The following LAMB3 variants were observed in gnomAD, a reference collection of about 807,000 sequenced individuals.
LAMB3 encodes laminin subunit beta 3, also known as laminin subunit beta-3.
Under a neutral mutation model 140.3 loss-of-function variants are expected in LAMB3, and 104 were observed. The observed-to-expected ratio is 0.74, with a 90% confidence interval of 0.63 to 0.87. The LOEUF is 0.87. Ranked by LOEUF, LAMB3 falls within the 40% of genes least tolerant of loss-of-function variation. LAMB3 has a pLI of 0.00. For synonymous variants in LAMB3, 592 were observed against 602.9 expected (o/e 0.98, Z 0.26); for missense variants, 1,531 against 1,575.2 (o/e 0.97, Z 0.47).
Position 209,627,497 on chromosome 1 carries a change from C to G in LAMB3, c.1371G>C (p.Val457=), listed in dbSNP as rs1433069967. 2 of 1,614,094 alleles carry G rather than the reference C, an allele frequency of 1.2e-6. No homozygotes were observed. Residue 457 remains valine, a synonymous_variant, in exon 12 of 23, where the codon GTG becomes GTC. Transcript: ENST00000356082. ...CACACTGGTCACATTTGGGACCCAC[C>G]ACGTTGGGCAGACAAAGGCAGCGCC... ...ESGRCLCLPN[V]VGPKCDQCAP...
chr1:209,629,319 G>A (rs968605604), intron 10 of LAMB3, among the ~76,000 whole-genome samples: 3 of 152,156 alleles, frequency 2.0e-5, no homozygotes, highest in African/African-American at 2.4e-5. Flanking sequence ...AGGAGTTCTC[G>A]ATGTTGGGAG....
At chr1:209,616,233 T>C (rs186421140) in intron 22 of LAMB3, among the ~76,000 whole-genome samples, 1 of 152,294 alleles carries the variant, frequency 6.6e-6, no homozygotes, top group East Asian at 1.9e-4. Context: ...ACCCCACTGT[T>C]TGCAAAAACA....
Position 209,634,501 on chromosome 1 carries a change from A to G in LAMB3, c.510T>C (p.Asp170=). The G allele has an allele frequency of 6.2e-7, 1 of 1,614,072 alleles. No individual in the cohort carries two copies. The highest frequency in any genetic ancestry group is 8.5e-7 in the Non-Finnish European group (1 of 1,180,006). Residue 170 remains aspartate (D), a synonymous_variant, in exon 6 of 23, where the codon GAT becomes GAC. Transcript: ENST00000356082. ...VRQGRPQSWQ[D]VRCQSLPQRP... Reference sequence around the variant, plus strand: ...TCTGAGGCAGGGACTGGCACCGAACATCCTGCCAGCTCTGAGGCCGACCCT... The same window carrying G: ...TCTGAGGCAGGGACTGGCACCGAACGTCCTGCCAGCTCTGAGGCCGACCCT...
chr1:209,615,608 G>C (rs1486626883), intron 22 of LAMB3, among the ~76,000 whole-genome samples: 3 of 152,138 alleles, frequency 2.0e-5, no homozygotes, highest in Admixed American at 6.5e-5. Context: ...CCTGGCAGGG[G>C]CCAAACCCAG....
intron 22 of LAMB3, 38 bp from the exon 23 acceptor site, chr1:209,615,445 T>C: frequency 8.3e-6 from 13 of 1,561,762 alleles, no homozygotes; most frequent in East Asian, 2.3e-5. Flanking sequence ...GAGGAGTTGA[T>C]GGTGAGACTC....
chr1:209,634,742 G>A (rs1471158793), intron 5 of LAMB3, 104 bp from the exon 6 acceptor site: 2 of 968,064 alleles, frequency 2.1e-6, no homozygotes, highest in Admixed American at 2.0e-5. Flanking sequence ...GAGAAAGGGG[G>A]CCCAGTGGGA....
intron 21 of LAMB3, among the ~76,000 whole-genome samples, chr1:209,616,885 A>C (rs566532594): frequency 3.9e-5 from 6 of 152,342 alleles, no homozygotes; most frequent in Admixed American, 3.3e-4. Flanking sequence ...ATAGGATATT[A>C]ATAGTAGGCT....
At chr1:209,622,459 G>T in intron 18 of LAMB3, 77 bp downstream of exon 18, 2 of 1,552,776 alleles carry the variant, frequency 1.3e-6, no homozygotes, top group Admixed American at 1.7e-5. Context: ...GGGAGGGCTG[G>T]CTGATGCACT....
At chr1:209,632,333 C>T (rs1666720677) in intron 8 of LAMB3, among the ~76,000 whole-genome samples, 1 of 152,184 alleles carries the variant, frequency 6.6e-6, no homozygotes, top group African/African-American at 2.4e-5. Flanking sequence ...GGCTTAAACT[C>T]CCTCCCAATT....
intron 3 of LAMB3, among the ~76,000 whole-genome samples, chr1:209,646,602 G>A (rs1168001143): frequency 1.3e-5 from 2 of 152,206 alleles, no homozygotes; most frequent in Non-Finnish European, 1.5e-5. Context: ...GAGGCACAGA[G>A]GAGGGCAGCC....
At chr1:209,619,306 G>C (rs1666106098) in intron 18 of LAMB3, among the ~76,000 whole-genome samples, 2 of 152,160 alleles carry the variant, frequency 1.3e-5, no homozygotes, top group African/African-American at 4.8e-5. Flanking sequence ...TGGTTTGTTT[G>C]GTCTCTTTTC....
chr1:209,651,270 A>AC (rs1257486772), intron 1 of LAMB3: 10 of 414,542 alleles, frequency 2.4e-5, no homozygotes, highest in African/African-American at 1.8e-4. Flanking sequence ...ACCCTGCCCT[A>AC]CCCCACACAG....
At chr1:209,620,463 G>A (rs1023530366) in intron 18 of LAMB3, among the ~76,000 whole-genome samples, 9 of 152,190 alleles carry the variant, frequency 5.9e-5, no homozygotes, top group Non-Finnish European at 1.0e-4. Flanking sequence ...GAGGGGAGAC[G>A]ATCCAGAGAG....
intron 9 of LAMB3, 30 bp from the exon 10 acceptor site, chr1:209,629,955 C>T: frequency 6.2e-7 from 1 of 1,604,374 alleles, no homozygotes; most frequent in East Asian, 2.2e-5. Context: ...GGGCTGACAT[C>T]TGACCCACAC....
intron 8 of LAMB3, among the ~76,000 whole-genome samples, chr1:209,632,174 A>G (rs779964699): frequency 8.6e-5 from 13 of 152,002 alleles, no homozygotes; most frequent in Non-Finnish European, 1.3e-4. Flanking sequence ...AAATCCCCAA[A>G]CCAGTGGCTC....
chr1:209,637,989 G>A lies in LAMB3; in HGVS notation c.299-8C>T, dbSNP rs773055153. On this transcript the variant is annotated splice_polypyrimidine_tract_variant and splice_region_variant and intron_variant, in intron 4 of 22. Coordinates refer to ENST00000356082, the MANE Select transcript of LAMB3 (RefSeq NM_000228.3). ...GAGAGACAGGGTTCACATCTGGAAG[G>A]ACAAAAAATAGAAACTGTCATCCAG... The A allele has an allele frequency of 6.2e-7, 1 of 1,610,310 alleles. No individual in the cohort carries two copies. Among genetic ancestry groups the A allele is most frequent in the East Asian group, 2.2e-5 (1 of 44,842 alleles).
In LAMB3 at chr1:209,626,133, C is replaced by G. The variant is rs532285711; in HGVS notation, c.1598-107G>C. On this transcript the variant is annotated intron_variant, in intron 13 of 22. Coordinates refer to ENST00000356082, the MANE Select transcript of LAMB3 (RefSeq NM_000228.3). ...CTGACCTGAGGCTCTTTCTACATGACTTAGAATAACAGAAGTCGCAGCCAG... is the reference window on the plus strand; with the variant it reads ...CTGACCTGAGGCTCTTTCTACATGAGTTAGAATAACAGAAGTCGCAGCCAG... 4.9e-6 allele frequency: 6 copies of G among 1,225,566 alleles called. No individual in the cohort carries two copies. In the African/African-American group the frequency reaches 6.1e-5, roughly 12 times the overall value. The allele number at this position is 1,225,566 out of a possible 1,614,324, so 75.9% of individuals were successfully genotyped here. A position where few individuals can be genotyped will look rare whatever the true frequency, so the allele number is the denominator to read the frequency against.
At chr1:209,635,829 C>T (rs541281727) in intron 5 of LAMB3, among the ~76,000 whole-genome samples, 4 of 152,192 alleles carry the variant, frequency 2.6e-5, no homozygotes, top group Admixed American at 1.3e-4. Flanking sequence ...TATTCTGGAA[C>T]GAAATCTGAA....
chr1:209,643,870 A>C (rs2076492824), intron 3 of LAMB3, among the ~76,000 whole-genome samples: 1 of 151,990 alleles, frequency 6.6e-6, no homozygotes, highest in Admixed American at 6.6e-5. Flanking sequence ...CCACATTCCT[A>C]TTGGTGAAAT....
Sources: allele counts gnomAD v4.1 joint callset (sites outside exome capture counted in the v4.1 genomes callset), GRCh38; gene constraint gnomAD v4.1.1; transcripts MANE v1.5; gene names NCBI Gene and HGNC (gene_info 2026-07-23, HGNC 2026-07-21).